Variants in PRKCE observed in about 807,000 individuals in gnomAD.
The protein encoded by PRKCE is protein kinase C epsilon type.
Under a neutral mutation model 85.4 loss-of-function variants are expected in PRKCE, and 16 were observed. The observed-to-expected ratio is 0.19, with a 90% confidence interval of 0.13 to 0.28. The LOEUF (loss-of-function observed/expected upper bound fraction) is 0.28. PRKCE is among the 10% of genes least tolerant of loss of function. The pLI, the probability that PRKCE is intolerant of heterozygous loss-of-function variation, is 1.00. For missense variants in PRKCE, 573 were observed against 975.2 expected (o/e 0.59, Z 5.49); for synonymous variants, 388 against 371.5 (o/e 1.04, Z -0.51).
At chr2:46,109,192 A>G (rs185810328) in intron 11 of PRKCE, among the ~76,000 whole-genome samples, 1 of 152,092 alleles carries the variant, frequency 6.6e-6, no homozygotes, top group Admixed American at 6.6e-5. Flanking sequence ...TTGCTTTTCC[A>G]TACACATTTT....
chr2:45,719,876 G>C, intron 1 of PRKCE, among the ~76,000 whole-genome samples: 1 of 152,118 alleles, frequency 6.6e-6, no homozygotes, highest in South Asian at 2.1e-4. Context: ...AGTGAGCTAT[G>C]ATCTAGCCAC....
At chr2:46,085,736 G>GTTTTTTTTTTTTTTTTTT (rs1170933914) in intron 10 of PRKCE, among the ~76,000 whole-genome samples, 1 of 104,564 alleles carries the variant, frequency 9.6e-6, no homozygotes, top group Non-Finnish European at 1.8e-5. Flanking sequence ...TGCAAAATCC[G>GTTTTTTTTTTTTTTTTTT]TTTTTTTTTT....
At chr2:45,897,086 A>C (rs779330296) in intron 2 of PRKCE, among the ~76,000 whole-genome samples, 1 of 152,228 alleles carries the variant, frequency 6.6e-6, no homozygotes, top group South Asian at 2.1e-4. Flanking sequence ...TCTTAAAAAA[A>C]GAAAATTACT....
chr2:46,109,402 A>G (rs1286833079), intron 11 of PRKCE, among the ~76,000 whole-genome samples: 2 of 152,148 alleles, frequency 1.3e-5, no homozygotes, highest in East Asian at 1.9e-4. Context: ...TTAGTTTTCT[A>G]CATACAGATC....
intron 1 of PRKCE, among the ~76,000 whole-genome samples, chr2:45,716,468 C>G (rs1028178774): frequency 6.6e-6 from 1 of 151,790 alleles, no homozygotes; most frequent in African/African-American, 2.4e-5. Context: ...AGAGAGCCAA[C>G]TTCTGGAGTT....
At chr2:45,952,211 A>G (rs1161414677) in intron 2 of PRKCE, among the ~76,000 whole-genome samples, 6 of 152,198 alleles carry the variant, frequency 3.9e-5, no homozygotes, top group Non-Finnish European at 7.3e-5. Context: ...ACATAGATAA[A>G]CAACTGAAGC....
chr2:45,857,454 G>A (rs556915471), intron 2 of PRKCE, among the ~76,000 whole-genome samples: 35 of 152,370 alleles, frequency 2.3e-4, no homozygotes, highest in Admixed American at 3.9e-4. Flanking sequence ...GGGCCCAGCT[G>A]AGGCTAAAGC....
chr2:45,739,375 T>C (rs559014658), intron 1 of PRKCE, among the ~76,000 whole-genome samples: 1 of 152,296 alleles, frequency 6.6e-6, no homozygotes, highest in African/African-American at 2.4e-5. Context: ...GAGCCCTTTT[T>C]TGAGTTTAGG....
intron 6 of PRKCE, among the ~76,000 whole-genome samples, chr2:45,985,161 G>T (rs1344508413): frequency 6.6e-6 from 1 of 152,166 alleles, no homozygotes; most frequent in East Asian, 1.9e-4. Context: ...GGACATAGGG[G>T]ATATTATTCC....
intron 2 of PRKCE, among the ~76,000 whole-genome samples, chr2:45,903,154 G>A (rs1374599949): frequency 1.3e-5 from 2 of 152,170 alleles, no homozygotes; most frequent in Non-Finnish European, 2.9e-5. Flanking sequence ...CTCAGTGCCC[G>A]AGGGAGTTGA....
Position 45,964,010 on chromosome 2 carries a change from C to A in PRKCE, c.413-12419C>A, listed in dbSNP as rs576928195. The stretch of plus-strand genomic sequence containing the variant: ...GATCTTGAGTTCACTTTGCTTTAGT[C>A]TCATGAATGTGGCCTGCCACTGACT... On this transcript the variant is annotated intron_variant, in intron 2 of 14. Coordinates refer to ENST00000306156, the MANE Select transcript of PRKCE (RefSeq NM_005400.3). Among the ~76,000 whole-genome samples, 13 of 152,306 alleles carry A rather than the reference C, an allele frequency of 8.5e-5. No homozygotes were observed. In the South Asian group the frequency reaches 2.7e-3, roughly 32 times the overall value.
At position 46,184,341 on chromosome 2, in the gene PRKCE, G is replaced by C. The variant is rs554220898; in HGVS notation, c.2068-394G>C. ...GAGAGGGGATTCAGATCTGTTCCCT[G>C]GGTCACAGGGAGGAATGTTGTAATG... On this transcript the variant is annotated intron_variant, in intron 14 of 14. Transcript: ENST00000306156. The surrounding 1 kb of genome is among the most constrained non-coding windows in gnomAD (Gnocchi z 5.0). 9.2e-5 allele frequency among the ~76,000 whole-genome samples: 14 copies of C among 152,154 alleles called. No individual in the cohort carries two copies. In the South Asian group the frequency reaches 2.9e-3, roughly 32 times the overall value.
chr2:46,153,501 A>G (rs564260322), intron 13 of PRKCE, among the ~76,000 whole-genome samples: 8 of 152,326 alleles, frequency 5.3e-5, no homozygotes, highest in African/African-American at 1.9e-4. Context: ...AACAGGCTGC[A>G]TGGGGTGCTC....
chr2:45,652,149 A>G lies in PRKCE; in HGVS notation c.49A>G (p.Ser17Gly). 2 of 1,604,494 alleles carry G rather than the reference A, an allele frequency of 1.2e-6. No individual in the cohort carries two copies. The highest frequency in any genetic ancestry group is 1.7e-6 in the Non-Finnish European group (2 of 1,175,364). The change falls in exon 1 of 15, where the codon AGC (serine) becomes GGC (glycine). Residue 17 changes from serine to glycine, a missense_variant. This residue lies in a region of PRKCE where 100 missense variants were observed against 177.1 expected (regional missense o/e 0.56). Coordinates refer to ENST00000306156, the MANE Select transcript of PRKCE (RefSeq NM_005400.3). This position sits in a 1 kb window ranked among gnomAD's most constrained non-coding sequence, Gnocchi z 7.7. ...LLKIKICEAV[S>G]LKPTAWSLRH... is the part of the protein sequence containing the mutation. ...TAAGATCAAAATCTGCGAGGCCGTGAGCTTGAAGCCCACAGCCTGGTCGCT... is the reference window on the plus strand; with the variant it reads ...TAAGATCAAAATCTGCGAGGCCGTGGGCTTGAAGCCCACAGCCTGGTCGCT...
chr2:45,703,235 A>T lies in PRKCE; in HGVS notation c.348+50787A>T, dbSNP rs372087164. Among the ~76,000 whole-genome samples the T allele has an allele frequency of 3.9e-5, 6 of 152,090 alleles. No homozygotes were observed. The East Asian group carries it at 1.2e-3, about 29-fold the overall frequency. The stretch of plus-strand genomic sequence containing the variant: ...TATTTTATTCTCTAGCCCTTAAAGG[A>T]ATAATCAAAACTCCTTGGGCTGGGT... On this transcript the variant is annotated intron_variant, in intron 1 of 14. Transcript: ENST00000306156.
chr2:45,852,294 C>T (rs748058673), intron 2 of PRKCE, among the ~76,000 whole-genome samples: 1 of 152,308 alleles, frequency 6.6e-6, no homozygotes, highest in South Asian at 2.1e-4. Flanking sequence ...AAACCCGTGA[C>T]CTCTACTATT....
chr2:45,888,395 C>A (rs1326747400), intron 2 of PRKCE, among the ~76,000 whole-genome samples: 1 of 150,856 alleles, frequency 6.6e-6, no homozygotes, highest in Non-Finnish European at 1.5e-5. Flanking sequence ...AAGGGTTCCC[C>A]AAACATTTGG....
At chr2:45,883,529 C>T (rs919558175) in intron 2 of PRKCE, among the ~76,000 whole-genome samples, 1 of 152,208 alleles carries the variant, frequency 6.6e-6, no homozygotes, top group Non-Finnish European at 1.5e-5. Context: ...TCCGCATGTG[C>T]CAGCCTAACA....
chr2:46,082,557 T>C (rs1297529110), intron 10 of PRKCE, among the ~76,000 whole-genome samples: 1 of 152,138 alleles, frequency 6.6e-6, no homozygotes, highest in African/African-American at 2.4e-5. Flanking sequence ...CCGGAGCTTG[T>C]GAGTCATCTG....
Sources: allele counts gnomAD v4.1 joint callset (sites outside exome capture counted in the v4.1 genomes callset), GRCh38; gene constraint gnomAD v4.1.1; regional missense constraint gnomAD v4.1.1; non-coding constraint Gnocchi (gnomAD v3.1); transcripts MANE v1.5; gene names NCBI Gene and HGNC (gene_info 2026-07-23, HGNC 2026-07-21).